Variants in RIPOR2 observed in about 807,000 individuals in gnomAD.
RIPOR2 encodes the protein rho family-interacting cell polarization regulator 2.
RIPOR2 carries 39 observed loss-of-function variants against 114.5 expected under a neutral mutation model. The ratio of observed to expected loss-of-function variants is 0.34; its 90% CI spans 0.26 to 0.44. The LOEUF (loss-of-function observed/expected upper bound fraction) is 0.44. Ranked by LOEUF, RIPOR2 falls within the 20% of genes least tolerant of loss-of-function variation. The pLI is 1.00. For synonymous variants in RIPOR2, 445 were observed against 484.4 expected, an observed-to-expected ratio of 0.92 and a Z score of 1.07; for missense variants, 1,007 against 1,255.1, an observed-to-expected ratio of 0.80 and a Z score of 2.99.
chr6:24,962,346 A>G (rs1233051785), intron 1 of RIPOR2, among the ~76,000 whole-genome samples: 1 of 152,240 alleles, frequency 6.6e-6, no homozygotes, highest in Non-Finnish European at 1.5e-5. Flanking sequence ...TATTTTAGGA[A>G]GATTATTCTT....
At chr6:24,943,911 A>G (rs1385311073) in intron 1 of RIPOR2, among the ~76,000 whole-genome samples, 1 of 152,200 alleles carries the variant, frequency 6.6e-6, no homozygotes, top group Non-Finnish European at 1.5e-5. Flanking sequence ...TAGAGTTGCC[A>G]AGTGTGAACA....
intron 1 of RIPOR2, chr6:25,023,159 G>C (rs760771596): frequency 1.7e-6 from 1 of 576,598 alleles, no homozygotes; most frequent in Non-Finnish European, 3.3e-6. Context: ...GGAAGAACAA[G>C]TCACAATTAC....
At position 24,858,101 on chromosome 6, in the gene RIPOR2, T is replaced by G. The variant is rs1292250948; in HGVS notation, c.715+2872A>C. Among the ~76,000 whole-genome samples the G allele has an allele frequency of 6.6e-6, 1 of 152,172 alleles. No homozygotes were observed. The highest frequency in any genetic ancestry group is 1.5e-5 in the Non-Finnish European group (1 of 68,028). ...GAGGTGAGTGGCAACCTTTTCCTCC[T>G]CTCCCCTCCTGCTTTTGCAGCAAAC... On this transcript the variant is annotated intron_variant, in intron 8 of 21. Transcript: ENST00000643898. This position sits in a 1 kb window ranked among gnomAD's most constrained non-coding sequence, Gnocchi z 4.0.
intron 9 of RIPOR2, among the ~76,000 whole-genome samples, chr6:24,851,567 T>C (rs1158307605): frequency 1.3e-5 from 2 of 152,188 alleles, no homozygotes; most frequent in African/African-American, 2.4e-5. Flanking sequence ...GGTATGAGTA[T>C]AGAGGGTTTT....
In RIPOR2 at chr6:24,961,633, C is replaced by CT. The variant is rs70974954; in HGVS notation, c.76+80217dup. 3.9e-3 allele frequency among the ~76,000 whole-genome samples: 529 copies of CT among 134,400 alleles called. 2 individuals carry two copies. The highest frequency in any genetic ancestry group is 0.022 in the Middle Eastern group (6 of 268). The allele number at this position is 134,400 out of a possible 152,430, so 88.2% of individuals were successfully genotyped here. A position where few individuals can be genotyped will look rare whatever the true frequency, so the allele number is the denominator to read the frequency against. On this transcript the variant is annotated intron_variant, in intron 1 of 13. Coordinates refer to the RIPOR2 transcript ENST00000510784. The stretch of plus-strand genomic sequence containing the variant: ...TTTGGGGTACAGTTGTTATTCTAAG[C>CT]TTTTTTTTTTTTTTGAGACAGTCTC...
chr6:24,896,910 T>C (rs1767934545), intron 1 of RIPOR2, among the ~76,000 whole-genome samples: 1 of 151,860 alleles, frequency 6.6e-6, no homozygotes, highest in Non-Finnish European at 1.5e-5. Context: ...TCAAAATAAA[T>C]AGATAAATAA....
intron 1 of RIPOR2, among the ~76,000 whole-genome samples, chr6:24,987,702 A>G (rs1190874658): frequency 6.6e-6 from 1 of 152,194 alleles, no homozygotes; most frequent in African/African-American, 2.4e-5. Flanking sequence ...TAAAAACCTG[A>G]TTGTGTCCCT....
chr6:24,911,094 A>T, intron 1 of RIPOR2: 1 of 532,188 alleles, frequency 1.9e-6, no homozygotes, highest in Non-Finnish European at 2.4e-6. Context: ...GCGCGGAGCT[A>T]GAGCGGCGGA....
At chr6:24,917,924 T>A (rs556690680) in intron 1 of RIPOR2, among the ~76,000 whole-genome samples, 1 of 152,330 alleles carries the variant, frequency 6.6e-6, no homozygotes, top group East Asian at 1.9e-4. Flanking sequence ...AAAAGAGACG[T>A]ATCTGTAAAG....
At chr6:24,967,432 C>G (rs963016149) in intron 1 of RIPOR2, among the ~76,000 whole-genome samples, 6 of 152,170 alleles carry the variant, frequency 3.9e-5, no homozygotes, top group Admixed American at 6.5e-5. Flanking sequence ...GAAGCAGGGC[C>G]TTGGTACCAT....
intron 1 of RIPOR2, among the ~76,000 whole-genome samples, chr6:24,971,671 T>G (rs185988367): frequency 1.6e-4 from 24 of 152,362 alleles, no homozygotes; most frequent in African/African-American, 5.3e-4. Flanking sequence ...GAAGCAGCTA[T>G]GAACATTTAG....
intron 8 of RIPOR2, among the ~76,000 whole-genome samples, chr6:24,855,407 AAAG>A (rs1347923676): frequency 9.9e-5 from 15 of 152,220 alleles, no homozygotes; most frequent in African/African-American, 3.6e-4. Context: ...TGTTTTAAAA[AAAG>A]AAGTTACTAC....
rs148755777 is a variant in RIPOR2 at position 24,932,278 on chromosome 6, T to A, written c.61+3560A>T. Among the ~76,000 whole-genome samples, 478 of 152,064 alleles carry A rather than the reference T, an allele frequency of 3.1e-3. 4 individuals are homozygous for A. Among genetic ancestry groups the A allele is most frequent in the African/African-American group, 0.011 (438 of 41,480 alleles). Reference sequence around the variant, plus strand: ...TACTTGAGAGTAACCATTTTCTAAATGACGTGATGATGTTGTTAGGAAAGC... The same window carrying A: ...TACTTGAGAGTAACCATTTTCTAAAAGACGTGATGATGTTGTTAGGAAAGC... On this transcript the variant is annotated intron_variant, in intron 1 of 21. Coordinates refer to ENST00000643898, the MANE Select transcript of RIPOR2 (RefSeq NM_001286445.3).
intron 12 of RIPOR2, among the ~76,000 whole-genome samples, chr6:24,844,719 C>T (rs372694563): frequency 8.6e-5 from 13 of 152,030 alleles, no homozygotes; most frequent in East Asian, 3.9e-4. Context: ...TCAGGTGATC[C>T]GCCTGCCTCA....
intron 1 of RIPOR2, among the ~76,000 whole-genome samples, chr6:24,884,889 A>G (rs1448129172): frequency 6.6e-6 from 1 of 152,216 alleles, no homozygotes; most frequent in Non-Finnish European, 1.5e-5. Flanking sequence ...TTGAGAAACC[A>G]CAGATTATTA....
chr6:24,835,774 G>A lies in RIPOR2; in HGVS notation c.2137C>T (p.Leu713=). 1.3e-6 allele frequency: 2 copies of A among 1,551,682 alleles called. No homozygotes were observed. The highest frequency in any genetic ancestry group is 1.7e-6 in the Non-Finnish European group (2 of 1,146,968). ...GTSVAGSPLP[L]TTGNESLDIT... is the part of the protein sequence containing the mutation. ...TCCAGGCTCTCGTTGCCTGTGGTCA[G>A]TGGGAGAGGACTTCCTGCCACACTG... Residue 713 remains leucine, a synonymous_variant, in exon 15 of 22, where the codon CTG becomes TTG. Coordinates refer to ENST00000643898, the MANE Select transcript of RIPOR2 (RefSeq NM_001286445.3).
chr6:25,019,854 A>G (rs894850917), intron 1 of RIPOR2, among the ~76,000 whole-genome samples: 1 of 151,466 alleles, frequency 6.6e-6, no homozygotes, highest in East Asian at 1.9e-4. Context: ...ATGATAATAT[A>G]CTGTAGCTAC....
intron 1 of RIPOR2, among the ~76,000 whole-genome samples, chr6:24,876,200 G>A (rs772641394): frequency 1.8e-4 from 27 of 151,982 alleles, no homozygotes; most frequent in Non-Finnish European, 1.5e-4. Flanking sequence ...TGAGGCAGGA[G>A]AATTGCTTGA....
At chr6:24,896,006 A>C (rs193148331) in intron 1 of RIPOR2, among the ~76,000 whole-genome samples, 1 of 152,212 alleles carries the variant, frequency 6.6e-6, no homozygotes, top group Non-Finnish European at 1.5e-5. Context: ...TAAATAAATA[A>C]ATAAATAATA....
Sources: gnomAD v4.1 joint callset for allele counts (sites outside exome capture counted in the v4.1 genomes callset) on GRCh38, gnomAD v4.1.1 for gene constraint, Gnocchi (gnomAD v3.1) non-coding constraint, MANE v1.5 for transcripts, NCBI Gene and HGNC (gene_info 2026-07-23, HGNC 2026-07-21) for gene names.